The following KCNN3 variants were observed in gnomAD, a reference collection of about 807,000 sequenced individuals.
KCNN3 encodes small conductance calcium-activated potassium channel protein 3.
KCNN3 carries 16 observed loss-of-function variants against 62.9 expected under a neutral mutation model. That is an observed-to-expected ratio of 0.25 (90% confidence interval 0.17 to 0.39). The LOEUF is 0.39. Ranked by LOEUF, KCNN3 falls within the 10% of genes least tolerant of loss-of-function variation. The pLI is 1.00. For synonymous variants in KCNN3, 370 were observed against 389.2 expected, an observed-to-expected ratio of 0.95 and a Z score of 0.58; for missense variants, 599 against 949.4, an observed-to-expected ratio of 0.63 and a Z score of 4.85.
intron 1 of KCNN3, among the ~76,000 whole-genome samples, chr1:154,834,838 C>T (rs1651523032): frequency 6.6e-6 from 1 of 152,174 alleles, no homozygotes; most frequent in Non-Finnish European, 1.5e-5. Context: ...GATTCCAAGC[C>T]CAGGATTGGT....
chr1:154,723,348 G>A (rs1164129059), intron 5 of KCNN3, among the ~76,000 whole-genome samples: 3 of 152,242 alleles, frequency 2.0e-5, no homozygotes, highest in African/African-American at 4.8e-5. Flanking sequence ...ACAGATTTAA[G>A]TGTTCTCAGA....
chr1:154,801,841 T>C (rs928301904), intron 2 of KCNN3, among the ~76,000 whole-genome samples: 9 of 152,184 alleles, frequency 5.9e-5, no homozygotes, highest in Non-Finnish European at 1.2e-4. Flanking sequence ...TCCGGGGCTC[T>C]GTTTGCTGAT....
At chr1:154,719,959 C>T (rs1157143783) in intron 5 of KCNN3, among the ~76,000 whole-genome samples, 4 of 152,160 alleles carry the variant, frequency 2.6e-5, no homozygotes, top group African/African-American at 4.8e-5. Flanking sequence ...GGTGTATTTC[C>T]GTTGTTCAGA....
At chr1:154,790,115 A>C (rs1327554266) in intron 2 of KCNN3, among the ~76,000 whole-genome samples, 1 of 152,190 alleles carries the variant, frequency 6.6e-6, no homozygotes, top group Non-Finnish European at 1.5e-5. Context: ...GATTCGCTAC[A>C]TATATGGCAA....
At chr1:154,847,204 A>G (rs1431941390) in intron 1 of KCNN3, among the ~76,000 whole-genome samples, 4 of 139,486 alleles carry the variant, frequency 2.9e-5, no homozygotes, top group Non-Finnish European at 4.6e-5. Flanking sequence ...CCTCCTCACT[A>G]CCCCCCCCTG....
In KCNN3 at chr1:154,705,494, C is replaced by T. The variant is rs1699949902; in HGVS notation, c.*2482G>A. 1 of 152,056 alleles carries T rather than the reference C, an allele frequency of 6.6e-6. No homozygotes were observed. Among genetic ancestry groups the T allele is most frequent in the Non-Finnish European group, 1.5e-5 (1 of 68,012 alleles). The allele number at this position is 152,056 out of a possible 1,614,324, so 9.4% of individuals were successfully genotyped here. Reference sequence around the variant, plus strand: ...AAATGTCCATGTGTTTCTAGGATGCCAGTGGCTACTGCTACCAGAAATAAC... The same window carrying T: ...AAATGTCCATGTGTTTCTAGGATGCTAGTGGCTACTGCTACCAGAAATAAC... On this transcript the variant is annotated 3_prime_UTR_variant, in exon 8 of 8. Transcript: ENST00000271915.
At chr1:154,773,263 T>G (rs1314866449) in intron 2 of KCNN3, among the ~76,000 whole-genome samples, 4 of 152,200 alleles carry the variant, frequency 2.6e-5, no homozygotes, top group Admixed American at 1.3e-4. Context: ...GAGTGTTGCG[T>G]GCCCAGAGAG....
intron 7 of KCNN3, among the ~76,000 whole-genome samples, chr1:154,712,865 C>A (rs371798377): frequency 6.6e-6 from 1 of 152,050 alleles, no homozygotes; most frequent in African/African-American, 2.4e-5. Flanking sequence ...AGAGTGATGG[C>A]GAGCCTTACA....
At chr1:154,730,105 T>A (rs564761236) in intron 4 of KCNN3, among the ~76,000 whole-genome samples, 1 of 152,364 alleles carries the variant, frequency 6.6e-6, no homozygotes, top group South Asian at 2.1e-4. Flanking sequence ...TCATTTCCAA[T>A]TCTGGATACT....
rs537182170 is a variant in KCNN3 at position 154,704,776 on chromosome 1, A to ATT, written c.*3198_*3199dup. ...AATTAATAGTTTTTACATATAGCCG[A>ATT]TTTTTTTTTTTTTTTTGAGACGGAG... On this transcript the variant is annotated 3_prime_UTR_variant, in exon 8 of 8. Transcript: ENST00000271915. The ATT allele has an allele frequency of 1.2e-3, 165 of 139,916 alleles. 1 individual carries two copies. The highest frequency in any genetic ancestry group is 2.4e-3 in the African/African-American group (93 of 38,104). 8.7% of individuals were successfully genotyped at this position (139,916 alleles called of 1,614,324 possible).
At chr1:154,738,261 C>T (rs181213021) in intron 3 of KCNN3, among the ~76,000 whole-genome samples, 1 of 152,176 alleles carries the variant, frequency 6.6e-6, no homozygotes, top group East Asian at 1.9e-4. Flanking sequence ...ATACAAAGAA[C>T]CAGAAATTAC....
At chr1:154,868,369 A>G in intron 1 of KCNN3, 4 of 988,098 alleles carry the variant, frequency 4.0e-6, no homozygotes, top group Non-Finnish European at 4.8e-6. Context: ...TTTTTACCCC[A>G]TGCCCTCAGG....
chr1:154,868,055 G>A, intron 1 of KCNN3: 3 of 985,494 alleles, frequency 3.0e-6, no homozygotes, highest in Non-Finnish European at 3.6e-6. Context: ...GCCAGTGCCT[G>A]CTGTTCTCCA....
chr1:154,739,520 A>AG (rs1700783894), intron 3 of KCNN3, among the ~76,000 whole-genome samples: 1 of 152,250 alleles, frequency 6.6e-6, no homozygotes, highest in African/African-American at 2.4e-5. Flanking sequence ...GACCTTCATA[A>AG]GGATGAAATC....
chr1:154,705,474 T>A lies in KCNN3; in HGVS notation c.*2502A>T, dbSNP rs1699949498. 6.7e-6 allele frequency: 1 copy of A among 149,126 alleles called. No individual in the cohort carries two copies. The highest frequency in any genetic ancestry group is 2.0e-4 in the East Asian group (1 of 5,112). The allele number at this position is 149,126 out of a possible 1,614,324, so 9.2% of individuals were successfully genotyped here. ...AATAGGTCAATTCATGCTACAAATGTCCATGTGTTTCTAGGATGCCAGTGG... is the reference window on the plus strand; with the variant it reads ...AATAGGTCAATTCATGCTACAAATGACCATGTGTTTCTAGGATGCCAGTGG... On this transcript the variant is annotated 3_prime_UTR_variant, in exon 8 of 8. Coordinates refer to ENST00000271915, the MANE Select transcript of KCNN3 (RefSeq NM_002249.6).
At chr1:154,767,832 A>C (rs1226581287) in intron 3 of KCNN3, among the ~76,000 whole-genome samples, 13 of 152,196 alleles carry the variant, frequency 8.5e-5, no homozygotes, top group Non-Finnish European at 1.5e-5. Flanking sequence ...TCCCCATGGC[A>C]CGGCTGTTCT....
In KCNN3 at chr1:154,822,967, G is replaced by C. The variant is rs148188702; in HGVS notation, c.934-783C>G. ...TCCCAGCCCTGCGACAGCCATTTAG[G>C]GCTACCTGACCTTGGAACGCCCACT... On this transcript the variant is annotated intron_variant, in intron 1 of 7. Coordinates refer to ENST00000271915, the MANE Select transcript of KCNN3 (RefSeq NM_002249.6). Among the ~76,000 whole-genome samples, 597 of 152,278 alleles carry C rather than the reference G, an allele frequency of 3.9e-3. 3 individuals carry two copies. Among genetic ancestry groups the C allele is most frequent in the African/African-American group, 0.014 (579 of 41,542 alleles).
intron 3 of KCNN3, among the ~76,000 whole-genome samples, chr1:154,770,167 A>G: frequency 6.6e-6 from 1 of 152,186 alleles, no homozygotes; most frequent in East Asian, 1.9e-4. Flanking sequence ...TCAGCTGCTG[A>G]GTAATGGCGA....
At chr1:154,758,239 A>G (rs139674922) in intron 3 of KCNN3, among the ~76,000 whole-genome samples, 1 of 152,354 alleles carries the variant, frequency 6.6e-6, no homozygotes, top group East Asian at 1.9e-4. Flanking sequence ...CAGGTTAAGT[A>G]CAAGTGCAAG....
Sources: allele counts gnomAD v4.1 joint callset (sites outside exome capture counted in the v4.1 genomes callset), GRCh38; gene constraint gnomAD v4.1.1; transcripts MANE v1.5; gene names NCBI Gene and HGNC (gene_info 2026-07-23, HGNC 2026-07-21).